MUC22: variants seen among roughly 807,000 people sequenced by gnomAD.
MUC22 encodes the protein mucin 22, also known as mucin-22.
A neutral mutation model predicts 40.3 loss-of-function variants in MUC22; 24 were observed. That is an observed-to-expected ratio of 0.60 (90% CI 0.43 to 0.84). The LOEUF is 0.84. Among genes scored for constraint, MUC22 ranks in the 40% least tolerant of loss-of-function variants. MUC22 has a pLI of 0.00. For synonymous variants in MUC22, 765 were observed against 844.5 expected (o/e 0.91, Z 1.63); for missense variants, 1,926 against 2,130.7 (o/e 0.90, Z 1.89).
chr6:31,027,396 C>T (rs1236098330), exon 2 of MUC22: 3 of 1,533,320 alleles, frequency 2.0e-6, no homozygotes, highest in Admixed American at 3.9e-5. Context: ...GCTCTGAGAC[C>T]ACTACAGTTT....
At chr6:31,008,070 C>G (rs1438435026), upstream of MUC22, among the ~76,000 whole-genome samples, 3 of 152,216 alleles carry the variant, frequency 2.0e-5, no homozygotes, top group Admixed American at 2.0e-4. Flanking sequence ...TGGGAACAGG[C>G]AGTCTGGTTG....
At chr6:31,015,351 C>T (rs1581607602) in intron 1 of MUC22, among the ~76,000 whole-genome samples, 1 of 152,010 alleles carries the variant, frequency 6.6e-6, no homozygotes, top group African/African-American at 2.4e-5. Context: ...AATATATATA[C>T]AAGCAGAAAT....
exon 1 of MUC22, chr6:31,010,591 A>G (rs1763796157): frequency 4.7e-6 from 3 of 640,032 alleles, no homozygotes; most frequent in African/African-American, 1.8e-5. Flanking sequence ...TTTTTGTGCA[A>G]CTTTATTTTC....
At chr6:31,028,731 T>C (rs1268323442) in exon 2 of MUC22, 1 of 1,525,754 alleles carries the variant, frequency 6.6e-7, no homozygotes, top group South Asian at 1.2e-5. Context: ...CCACCTCTAC[T>C]GAAGGCTCTG....
intron 1 of MUC22, among the ~76,000 whole-genome samples, chr6:31,020,679 C>T (rs775625897): frequency 6.6e-6 from 1 of 152,180 alleles, no homozygotes; most frequent in East Asian, 1.9e-4. Flanking sequence ...CTGGGCTGGC[C>T]GAGGCCAGAG....
At position 31,032,290 on chromosome 6, in the gene MUC22, G is replaced by T. The variant is rs1766119411; in HGVS notation, c.4764G>T (p.Val1588=). Residue 1588 remains valine, a synonymous_variant, in exon 3 of 4, where the codon GTG becomes GTT. Coordinates refer to ENST00000561890, the Ensembl canonical transcript of MUC22. This position sits in a 1 kb window ranked among gnomAD's most constrained non-coding sequence, Gnocchi z 4.1. ...CGGCCTCTGCTGCCAGCCATACTGT[G>T]CCAGGAATAGTCTTAAACACCTCTG... is the stretch of plus-strand genomic sequence containing the variant. 1 of 1,535,476 alleles carries T rather than the reference G, an allele frequency of 6.5e-7. No homozygotes were observed. The highest frequency in any genetic ancestry group is 2.0e-5 in the Admixed American group (1 of 50,958).
At chr6:31,022,021 A>C (rs899589583) in intron 1 of MUC22, among the ~76,000 whole-genome samples, 5 of 152,072 alleles carry the variant, frequency 3.3e-5, no homozygotes, top group Non-Finnish European at 5.9e-5. Context: ...GAACAATTCC[A>C]CACGCATGGG....
exon 2 of MUC22, chr6:31,029,944 C>T (rs1429165677): frequency 2.8e-5 from 42 of 1,511,864 alleles, no homozygotes; most frequent in Non-Finnish European, 3.7e-5. Flanking sequence ...AAGCTTGGAG[C>T]CCACTGCAAC....
chr6:31,034,246 A>G (rs1438314748), intron 3 of MUC22, among the ~76,000 whole-genome samples: 1 of 152,230 alleles, frequency 6.6e-6, no homozygotes, highest in African/African-American at 2.4e-5. Context: ...GGCTCTGTGT[A>G]GACAGCTTTC....
chr6:31,033,129 C>A (rs1421339246), intron 3 of MUC22, among the ~76,000 whole-genome samples: 3 of 151,750 alleles, frequency 2.0e-5, no homozygotes, highest in Non-Finnish European at 4.4e-5. Flanking sequence ...CGTGCCACTG[C>A]ACTCCAGCCT....
exon 2 of MUC22, chr6:31,027,722 A>G (rs1363725040): frequency 2.6e-6 from 4 of 1,530,604 alleles, no homozygotes; most frequent in African/African-American, 1.4e-5. Context: ...GAAGGCTCTG[A>G]GACCACTGCA....
chr6:31,022,052 A>G (rs989537402), intron 1 of MUC22, among the ~76,000 whole-genome samples: 7 of 152,070 alleles, frequency 4.6e-5, no homozygotes, highest in African/African-American at 1.7e-4. Context: ...GCTAACACTC[A>G]CTGTGAAGGT....
intron 2 of MUC22, among the ~76,000 whole-genome samples, chr6:31,030,845 C>G (rs1475376665): frequency 3.9e-5 from 6 of 152,162 alleles, no homozygotes; most frequent in Admixed American, 6.5e-5. Context: ...TCACCTGTTA[C>G]CTGGTTTTGT....
upstream of MUC22, among the ~76,000 whole-genome samples, chr6:31,007,950 G>A (rs572206103): frequency 1.3e-5 from 2 of 152,212 alleles, no homozygotes; most frequent in African/African-American, 2.4e-5. The surrounding 1 kb of genome is among the most constrained non-coding windows in gnomAD (Gnocchi z 4.0). Flanking sequence ...ATGATGACTC[G>A]TCCATCTGTT....
At chr6:31,029,584 A>G in exon 2 of MUC22, 1 of 1,534,264 alleles carries the variant, frequency 6.5e-7, no homozygotes, top group Non-Finnish European at 8.7e-7. Context: ...TAGCTCTGAG[A>G]CCACCACAGC....
At chr6:31,034,559 A>G (rs1766305708) in intron 3 of MUC22, 113 bp from the exon 4 acceptor site, 1 of 822,134 alleles carries the variant, frequency 1.2e-6, no homozygotes, top group Non-Finnish European at 1.9e-6. Flanking sequence ...AGAGAAGAGA[A>G]CATGGGCAGT....
exon 4 of MUC22, chr6:31,034,855 G>A: frequency 6.5e-7 from 1 of 1,535,560 alleles, no homozygotes; most frequent in Non-Finnish European, 8.7e-7. Context: ...TGGATATGGA[G>A]TGGGCCATGG....
At chr6:31,020,024 G>GA (rs1259948947) in intron 1 of MUC22, among the ~76,000 whole-genome samples, 2 of 151,750 alleles carry the variant, frequency 1.3e-5, no homozygotes, top group Admixed American at 6.6e-5. Flanking sequence ...TGAAGTTCCA[G>GA]AAAAAAAGGG....
chr6:31,016,750 C>G (rs78830964), intron 1 of MUC22, among the ~76,000 whole-genome samples: 1 of 152,194 alleles, frequency 6.6e-6, no homozygotes, highest in Non-Finnish European at 1.5e-5. Flanking sequence ...CTGGGCTGGC[C>G]GAGGCCGGAG....
Sources: gnomAD v4.1 joint callset for allele counts (sites outside exome capture counted in the v4.1 genomes callset) on GRCh38, gnomAD v4.1.1 for gene constraint, Gnocchi (gnomAD v3.1) non-coding constraint, MANE v1.5 for transcripts, NCBI Gene and HGNC (gene_info 2026-07-23, HGNC 2026-07-21) for gene names.